ZC3H3: variants seen among roughly 807,000 people sequenced by gnomAD.
ZC3H3 encodes zinc finger CCCH domain-containing protein 3.
Under a neutral mutation model 77.3 loss-of-function variants are expected in ZC3H3, and 36 were observed. The ratio of observed to expected loss-of-function variants is 0.47; its 90% CI spans 0.36 to 0.61. The LOEUF (loss-of-function observed/expected upper bound fraction) is 0.61. ZC3H3 is among the 20% of genes least tolerant of loss of function. ZC3H3 has a pLI of 0.00. For synonymous variants in ZC3H3, 626 were observed against 555.2 expected (o/e 1.13, Z -1.79); for missense variants, 1,331 against 1,312.2 (o/e 1.01, Z -0.22).
intron 9 of ZC3H3, among the ~76,000 whole-genome samples, chr8:143,454,768 C>T (rs1820071155): frequency 1.3e-5 from 2 of 152,154 alleles, no homozygotes; most frequent in Admixed American, 1.3e-4. Context: ...AAATCTTGCA[C>T]CGTCATGCTC....
chr8:143,473,062 G>A (rs1172312603), intron 5 of ZC3H3, among the ~76,000 whole-genome samples: 2 of 152,222 alleles, frequency 1.3e-5, no homozygotes, highest in Admixed American at 6.5e-5. Context: ...GGGCTCTCGC[G>A]TACGTCAGGA....
At chr8:143,478,789 C>T (rs966640578) in intron 4 of ZC3H3, among the ~76,000 whole-genome samples, 8 of 152,246 alleles carry the variant, frequency 5.3e-5, no homozygotes, top group African/African-American at 1.9e-4. Flanking sequence ...GGATTACAGG[C>T]ATGAGCCACT....
Position 143,465,601 on chromosome 8 carries a change from G to C in ZC3H3, c.2307+116C>G. 4.0e-6 allele frequency: 6 copies of C among 1,488,178 alleles called. 2 individuals carry two copies. The South Asian group carries it at 6.4e-5, about 16-fold the overall frequency. The allele number at this position is 1,488,178 out of a possible 1,614,324, so 92.2% of individuals were successfully genotyped here. A position where few individuals can be genotyped will look rare whatever the true frequency, so the allele number is the denominator to read the frequency against. On this transcript the variant is annotated intron_variant, in intron 9 of 11. Transcript: ENST00000262577. ...CCTGTGAGGTGGACGTGATGGCACT[G>C]ACCACCTCAGGGCTGCAGATGGGTC...
chr8:143,457,396 T>C (rs896028700), intron 9 of ZC3H3, among the ~76,000 whole-genome samples: 1 of 151,910 alleles, frequency 6.6e-6, no homozygotes, highest in Non-Finnish European at 1.5e-5. Context: ...AAATAATCCA[T>C]AGGGCAAAGA....
chr8:143,482,880 A>G (rs1820944296), intron 4 of ZC3H3, among the ~76,000 whole-genome samples: 1 of 152,214 alleles, frequency 6.6e-6, no homozygotes, highest in South Asian at 2.1e-4. Flanking sequence ...CCTAGCAGCC[A>G]GAAGAGGCAG....
intron 4 of ZC3H3, among the ~76,000 whole-genome samples, chr8:143,507,180 G>A (rs1680087314): frequency 6.6e-6 from 1 of 152,246 alleles, no homozygotes; most frequent in African/African-American, 2.4e-5. Context: ...TCCCGGGATA[G>A]CGGCCCCAGG....
chr8:143,519,032 G>A (rs1822153896), intron 3 of ZC3H3, among the ~76,000 whole-genome samples: 2 of 152,250 alleles, frequency 1.3e-5, no homozygotes, highest in South Asian at 2.1e-4. Context: ...CACAGTGAGC[G>A]AGGGACCCTA....
At chr8:143,475,894 A>G (rs1820720850) in intron 4 of ZC3H3, among the ~76,000 whole-genome samples, 1 of 152,152 alleles carries the variant, frequency 6.6e-6, no homozygotes, top group South Asian at 2.1e-4. Context: ...CGCCCCTAGA[A>G]GCCACGGTGA....
intron 3 of ZC3H3, among the ~76,000 whole-genome samples, chr8:143,514,014 C>A (rs1174720724): frequency 6.6e-6 from 1 of 152,210 alleles, no homozygotes; most frequent in Non-Finnish European, 1.5e-5. Context: ...CTGAGTTGTC[C>A]CCTGGGGCCA....
chr8:143,509,020 G>A (rs563189039), intron 3 of ZC3H3, among the ~76,000 whole-genome samples: 31 of 152,166 alleles, frequency 2.0e-4, no homozygotes, highest in African/African-American at 6.0e-4. Context: ...CCACAGACTC[G>A]CTCACTCTCC....
At chr8:143,496,323 G>A (rs900268044) in intron 4 of ZC3H3, among the ~76,000 whole-genome samples, 5 of 152,190 alleles carry the variant, frequency 3.3e-5, no homozygotes, top group African/African-American at 7.2e-5. Flanking sequence ...ATGGAGGGCC[G>A]AGAGCCACTG....
intron 9 of ZC3H3, among the ~76,000 whole-genome samples, chr8:143,443,383 C>T (rs942474105): frequency 6.6e-6 from 1 of 151,088 alleles, no homozygotes; most frequent in Non-Finnish European, 1.5e-5. Flanking sequence ...ACACACTGGA[C>T]ATGAAATGAA....
rs560607532 is a variant in ZC3H3 at position 143,489,125 on chromosome 8, G to A, written c.1716-13540C>T. On this transcript the variant is annotated intron_variant, in intron 4 of 11. Coordinates refer to ENST00000262577, the MANE Select transcript of ZC3H3 (RefSeq NM_015117.3). ...CAATGAGAGGAGTGAGGTGGGGCCT[G>A]GGTGGGGATCAGCTTGTGTCTACCT... Among the ~76,000 whole-genome samples the A allele has an allele frequency of 2.8e-3, 425 of 152,352 alleles. 2 individuals are homozygous for A. Among genetic ancestry groups the A allele is most frequent in the African/African-American group, 9.7e-3 (405 of 41,586 alleles).
chr8:143,537,280 G>A (rs1822832270), intron 2 of ZC3H3, among the ~76,000 whole-genome samples: 1 of 152,312 alleles, frequency 6.6e-6, no homozygotes, highest in Non-Finnish European at 1.5e-5. Context: ...GGCCAAGGGG[G>A]CTGGGACCTA....
intron 3 of ZC3H3, among the ~76,000 whole-genome samples, chr8:143,525,934 C>T (rs532223852): frequency 5.3e-5 from 8 of 152,376 alleles, no homozygotes; most frequent in Non-Finnish European, 1.0e-4. Context: ...GCCTGCCGTC[C>T]GCCTGGGCCT....
intron 4 of ZC3H3, among the ~76,000 whole-genome samples, chr8:143,477,732 C>G (rs1164253644): frequency 6.6e-6 from 1 of 152,214 alleles, no homozygotes; most frequent in Non-Finnish European, 1.5e-5. Context: ...GACCCCAAAT[C>G]CCAGTCAGGC....
chr8:143,443,051 C>T (rs1176684146), intron 9 of ZC3H3, among the ~76,000 whole-genome samples: 1 of 152,070 alleles, frequency 6.6e-6, no homozygotes, highest in Non-Finnish European at 1.5e-5. Flanking sequence ...GCGGGTGGAT[C>T]ACTTGAGGTC....
intron 3 of ZC3H3, among the ~76,000 whole-genome samples, chr8:143,532,536 A>G (rs1402914288): frequency 2.6e-5 from 4 of 152,264 alleles, no homozygotes; most frequent in African/African-American, 4.8e-5. Context: ...TGGCTGCCCC[A>G]TCCACAGCCC....
intron 9 of ZC3H3, among the ~76,000 whole-genome samples, chr8:143,457,001 A>G (rs1820139701): frequency 6.6e-6 from 1 of 152,258 alleles, no homozygotes; most frequent in South Asian, 2.1e-4. Context: ...ATCCACAATT[A>G]TAGTTAGAGA....
Sources: allele counts gnomAD v4.1 joint callset (sites outside exome capture counted in the v4.1 genomes callset), GRCh38; gene constraint gnomAD v4.1.1; transcripts MANE v1.5; gene names NCBI Gene and HGNC (gene_info 2026-07-23, HGNC 2026-07-21).